PPP1R9A: variants seen among roughly 807,000 people sequenced by gnomAD.
PPP1R9A encodes the protein neurabin-1.
Under a neutral mutation model 141.9 loss-of-function variants are expected in PPP1R9A, and 59 were observed. That is an observed-to-expected ratio of 0.42 (90% confidence interval 0.34 to 0.52). PPP1R9A has a LOEUF of 0.52. PPP1R9A is among the 20% of genes least tolerant of loss of function. PPP1R9A has a pLI of 0.10. For synonymous variants in PPP1R9A, 500 were observed against 569.7 expected, an observed-to-expected ratio of 0.88 and a Z score of 1.74; for missense variants, 1,444 against 1,611.9, an observed-to-expected ratio of 0.90 and a Z score of 1.78.
rs1806317852 is a variant in PPP1R9A at position 95,291,266 on chromosome 7, C to G, written c.*963C>G. The G allele has an allele frequency of 6.6e-6, 1 of 152,186 alleles. No individual in the cohort carries two copies. The highest frequency in any genetic ancestry group is 1.5e-5 in the Non-Finnish European group (1 of 68,046). The allele number at this position is 152,186 out of a possible 1,614,324, so 9.4% of individuals were successfully genotyped here. A position where few individuals can be genotyped will look rare whatever the true frequency, so the allele number is the denominator to read the frequency against. ...AACATTCTGGCTGGTCTTCAGCCTG[C>G]CTATGTCACAATCAGGAACTCATCA... On this transcript the variant is annotated 3_prime_UTR_variant, in exon 20 of 20. Coordinates refer to ENST00000433360, the MANE Select transcript of PPP1R9A (RefSeq NM_001166160.2).
intron 4 of PPP1R9A, chr7:95,154,753 A>G (rs1488761613): frequency 6.6e-6 from 1 of 152,180 alleles, no homozygotes; most frequent in African/African-American, 2.4e-5. Context: ...AATTATAACA[A>G]TCTCTGCAAC....
chr7:95,009,423 G>T (rs1407212620), intron 2 of PPP1R9A, among the ~76,000 whole-genome samples: 1 of 152,120 alleles, frequency 6.6e-6, no homozygotes, highest in Non-Finnish European at 1.5e-5. Flanking sequence ...TAACGTCTTC[G>T]CCATCAAGAT....
rs1008874561 is a variant in PPP1R9A, at chr7:95,291,013, G to A, written c.*710G>A. 1 of 152,216 alleles carries A rather than the reference G, an allele frequency of 6.6e-6. No individual in the cohort carries two copies. The highest frequency in any genetic ancestry group is 2.4e-5 in the African/African-American group (1 of 41,434). The allele number at this position is 152,216 out of a possible 1,614,324, so 9.4% of individuals were successfully genotyped here. Reference sequence around the variant, plus strand: ...GATGTGGGTATTACCTTGGGGTTCTGAGGGTAATATTTATCCTCTAGATAC... The same window carrying A: ...GATGTGGGTATTACCTTGGGGTTCTAAGGGTAATATTTATCCTCTAGATAC... On this transcript the variant is annotated 3_prime_UTR_variant, in exon 20 of 20. Transcript: ENST00000433360.
intron 2 of PPP1R9A, among the ~76,000 whole-genome samples, chr7:94,985,888 G>A (rs887416901): frequency 6.6e-6 from 1 of 152,156 alleles, no homozygotes; most frequent in African/African-American, 2.4e-5. Flanking sequence ...GCCATGTATG[G>A]ATGGATATGA....
intron 8 of PPP1R9A, among the ~76,000 whole-genome samples, chr7:95,235,616 T>C (rs1796575979): frequency 6.6e-6 from 1 of 152,160 alleles, no homozygotes; most frequent in Non-Finnish European, 1.5e-5. Context: ...AGTGTGGAGA[T>C]TCCTTAAAGA....
intron 2 of PPP1R9A, among the ~76,000 whole-genome samples, chr7:95,048,218 C>T (rs1332771500): frequency 6.6e-6 from 1 of 152,100 alleles, no homozygotes; most frequent in East Asian, 1.9e-4. Flanking sequence ...TAATAGTTAG[C>T]ATCTATTAAG....
chr7:94,934,166 A>G (rs538395170), intron 2 of PPP1R9A, among the ~76,000 whole-genome samples: 41 of 152,300 alleles, frequency 2.7e-4, no homozygotes, highest in African/African-American at 9.4e-4. Flanking sequence ...ATTTGAATGT[A>G]GAATTTTGTT....
intron 2 of PPP1R9A, among the ~76,000 whole-genome samples, chr7:94,917,987 T>A (rs1415372029): frequency 6.6e-6 from 1 of 152,208 alleles, no homozygotes. Context: ...TATAGTTAGA[T>A]GTGGGATAAA....
chr7:94,917,963 T>G (rs899533207), intron 2 of PPP1R9A, among the ~76,000 whole-genome samples: 1 of 152,198 alleles, frequency 6.6e-6, no homozygotes, highest in Non-Finnish European at 1.5e-5. Flanking sequence ...AGTTTAGGAA[T>G]TTTCATAGAG....
intron 2 of PPP1R9A, among the ~76,000 whole-genome samples, chr7:94,980,228 A>C (rs1799929173): frequency 6.6e-6 from 1 of 151,738 alleles, no homozygotes; most frequent in Non-Finnish European, 1.5e-5. Context: ...AATGTTTAAG[A>C]AAGTTTACGA....
At chr7:95,208,956 T>TAAAAAAAAAAAAAAAAA (rs10670515) in intron 7 of PPP1R9A, among the ~76,000 whole-genome samples, 5 of 76,908 alleles carry the variant, frequency 6.5e-5, no homozygotes, top group Admixed American at 3.2e-4. Context: ...ATAGCAAAAC[T>TAAAAAAAAAAAAAAAAA]AAAAAAAAAA....
At chr7:94,914,771 A>C (rs778256033) in intron 2 of PPP1R9A, among the ~76,000 whole-genome samples, 2 of 152,308 alleles carry the variant, frequency 1.3e-5, no homozygotes, top group Non-Finnish European at 2.9e-5. Context: ...ACATTTATGG[A>C]GCCCCTAATA....
intron 2 of PPP1R9A, chr7:95,036,120 A>T (rs937039808): frequency 6.6e-6 from 1 of 152,222 alleles, no homozygotes; most frequent in African/African-American, 2.4e-5. Flanking sequence ...AGTAGATTTT[A>T]AACATTGCAA....
intron 5 of PPP1R9A, among the ~76,000 whole-genome samples, chr7:95,194,140 G>C (rs1835898490): frequency 6.6e-6 from 1 of 151,870 alleles, no homozygotes; most frequent in Non-Finnish European, 1.5e-5. Flanking sequence ...GGTCAATCTA[G>C]GCTTTTCTAA....
chr7:95,149,576 A>G (rs1231439875), intron 4 of PPP1R9A, among the ~76,000 whole-genome samples: 7 of 152,022 alleles, frequency 4.6e-5, no homozygotes, highest in Non-Finnish European at 8.8e-5. Flanking sequence ...CCTATATAAC[A>G]GCAATGAGCA....
chr7:94,942,316 A>G (rs1584318918), intron 2 of PPP1R9A, among the ~76,000 whole-genome samples: 1 of 152,184 alleles, frequency 6.6e-6, no homozygotes, highest in Non-Finnish European at 1.5e-5. Flanking sequence ...CTTGGGTGGG[A>G]GAATAAATAT....
intron 2 of PPP1R9A, among the ~76,000 whole-genome samples, chr7:94,921,272 C>T (rs1792774612): frequency 6.6e-6 from 1 of 151,798 alleles, no homozygotes; most frequent in Non-Finnish European, 1.5e-5. Context: ...CTGTGAAAAC[C>T]CCTCTCTACT....
intron 4 of PPP1R9A, among the ~76,000 whole-genome samples, chr7:95,141,294 A>G (rs1826635219): frequency 6.6e-6 from 1 of 152,222 alleles, no homozygotes; most frequent in Non-Finnish European, 1.5e-5. Context: ...GATGAAGCTG[A>G]TGGTGTTTCA....
At chr7:95,096,854 T>C (rs1453226443) in intron 2 of PPP1R9A, among the ~76,000 whole-genome samples, 1 of 152,152 alleles carries the variant, frequency 6.6e-6, no homozygotes, top group African/African-American at 2.4e-5. Context: ...GCCTTATGTT[T>C]GCTCACGCTA....
Sources: allele counts gnomAD v4.1 joint callset (sites outside exome capture counted in the v4.1 genomes callset), GRCh38; gene constraint gnomAD v4.1.1; transcripts MANE v1.5; gene names NCBI Gene and HGNC (gene_info 2026-07-23, HGNC 2026-07-21).